The following CYP2C19 variants were observed in gnomAD, a reference collection of about 807,000 sequenced individuals.
CYP2C19 encodes cytochrome P450 family 2 subfamily C member 19.
CYP2C19 carries 59 observed loss-of-function variants against 40.9 expected under a neutral mutation model. The ratio of observed to expected loss-of-function variants is 1.44; its 90% CI spans 1.17 to 1.79. CYP2C19 has a LOEUF of 1.79. Ranked by LOEUF, CYP2C19 falls within the 40% of genes most tolerant of loss-of-function variation. The pLI, the probability that CYP2C19 is intolerant of heterozygous loss-of-function variation, is 0.00. For missense variants in CYP2C19, 754 were observed against 596.9 expected, an observed-to-expected ratio of 1.26 and a Z score of -2.74; for synonymous variants, 253 against 208.7, an observed-to-expected ratio of 1.21 and a Z score of -1.83.
intron 6 of CYP2C19, among the ~76,000 whole-genome samples, chr10:94,828,801 C>T (rs1333107231): frequency 6.6e-6 from 1 of 152,074 alleles, no homozygotes; most frequent in African/African-American, 2.4e-5. Context: ...GCGGCTGGTA[C>T]CGGTTGTTCC....
At chr10:94,771,639 T>C (rs1211735429) in intron 1 of CYP2C19, among the ~76,000 whole-genome samples, 1 of 152,106 alleles carries the variant, frequency 6.6e-6, no homozygotes, top group African/African-American at 2.4e-5. Flanking sequence ...GTGAGCCTGT[T>C]GATGCCTGAT....
intron 5 of CYP2C19, among the ~76,000 whole-genome samples, chr10:94,784,646 C>T (rs1409028597): frequency 6.6e-6 from 1 of 152,004 alleles, no homozygotes; most frequent in African/African-American, 2.4e-5. Flanking sequence ...GACAGAGTCT[C>T]ACTCTGTTGC....
At chr10:94,835,989 A>C (rs1398461499) in intron 6 of CYP2C19, among the ~76,000 whole-genome samples, 5 of 152,160 alleles carry the variant, frequency 3.3e-5, no homozygotes, top group Admixed American at 2.0e-4. Flanking sequence ...GAACCTCTAA[A>C]AGTTCCCCTC....
chr10:94,774,462 C>T (rs949908121), intron 1 of CYP2C19: 1 of 154,358 alleles, frequency 6.5e-6, no homozygotes, highest in Non-Finnish European at 1.4e-5. Flanking sequence ...CCCATAGCCA[C>T]CTAATTTTAG....
chr10:94,825,939 C>G (rs1459099913), intron 6 of CYP2C19, among the ~76,000 whole-genome samples: 13 of 151,536 alleles, frequency 8.6e-5, no homozygotes, highest in Admixed American at 2.6e-4. Context: ...GCTTGTTTTT[C>G]TCAGGTTTGT....
rs1848384550 is a variant in CYP2C19, at chr10:94,774,859, C to T, written c.169-199C>T. On this transcript the variant is annotated intron_variant, in intron 1 of 8. Coordinates refer to ENST00000371321, the MANE Select transcript of CYP2C19 (RefSeq NM_000769.4). Reference sequence around the variant, plus strand: ...GTAATCTGTGTAGCAATTGTCTGACCATTGCCTTGAACATCATAGGCCATC... The same window carrying T: ...GTAATCTGTGTAGCAATTGTCTGACTATTGCCTTGAACATCATAGGCCATC... 7 of 603,754 alleles carry T rather than the reference C, an allele frequency of 1.2e-5. No homozygotes were observed. The Admixed American group carries it at 1.8e-4, about 16-fold the overall frequency. The allele number at this position is 603,754 out of a possible 1,614,324, so 37.4% of individuals were successfully genotyped here.
At chr10:94,774,118 C>T (rs1407038155) in intron 1 of CYP2C19, 2 of 152,160 alleles carry the variant, frequency 1.3e-5, no homozygotes, top group Non-Finnish European at 2.9e-5. Flanking sequence ...TCTCCAAGTC[C>T]CCACCCGACA....
chr10:94,839,553 G>C (rs111912226), intron 6 of CYP2C19, among the ~76,000 whole-genome samples: 1 of 152,288 alleles, frequency 6.6e-6, no homozygotes, highest in Non-Finnish European at 1.5e-5. Flanking sequence ...ACATGCATTC[G>C]CATAAACAAC....
chr10:94,774,862 T>C, intron 1 of CYP2C19, 196 bp from the exon 2 acceptor site: 1 of 611,842 alleles, frequency 1.6e-6, no homozygotes, highest in Non-Finnish European at 2.8e-6. Flanking sequence ...GTCTGACCAT[T>C]GCCTTGAACA....
chr10:94,839,413 A>G (rs564193672), intron 6 of CYP2C19, among the ~76,000 whole-genome samples: 2 of 152,298 alleles, frequency 1.3e-5, no homozygotes, highest in African/African-American at 4.8e-5. Flanking sequence ...GACCACAAAG[A>G]AAGGGGTCCG....
At chr10:94,775,615 G>C in intron 3 of CYP2C19, 76 bp downstream of exon 3, 1 of 1,610,204 alleles carries the variant, frequency 6.2e-7, no homozygotes, top group Non-Finnish European at 8.5e-7. Context: ...AAACATTTCA[G>C]GGGTGGCCAG....
intron 5 of CYP2C19, among the ~76,000 whole-genome samples, chr10:94,787,945 G>A (rs1010104775): frequency 6.6e-6 from 1 of 152,082 alleles, no homozygotes; most frequent in African/African-American, 2.4e-5. Context: ...TGAATCTGTA[G>A]ATAGCTTTGG....
intron 1 of CYP2C19, among the ~76,000 whole-genome samples, chr10:94,769,022 T>G (rs1848290004): frequency 6.6e-6 from 1 of 151,936 alleles, no homozygotes; most frequent in African/African-American, 2.4e-5. Flanking sequence ...TTCCAAGGAA[T>G]GCCCACAATT....
At chr10:94,774,524 T>TACA (rs1848379256) in intron 1 of CYP2C19, 1 of 160,654 alleles carries the variant, frequency 6.2e-6, no homozygotes, top group East Asian at 1.8e-4. Context: ...CTACATGGGC[T>TACA]TTTGGGAGTT....
In CYP2C19 at chr10:94,799,017, T is replaced by G. The variant is rs377538047; in HGVS notation, c.819+17020T>G. Among the ~76,000 whole-genome samples the G allele has an allele frequency of 2.7e-4, 41 of 152,130 alleles. 1 individual carries two copies. In the East Asian group the frequency reaches 7.9e-3, roughly 29 times the overall value. On this transcript the variant is annotated intron_variant, in intron 5 of 8. Coordinates refer to ENST00000371321, the MANE Select transcript of CYP2C19 (RefSeq NM_000769.4). ...GCCCATTTACATTTAAGGTTAATATTGTTATATGAGAATTTGATCCTGTCA... is the reference window on the plus strand; with the variant it reads ...GCCCATTTACATTTAAGGTTAATATGGTTATATGAGAATTTGATCCTGTCA...
At chr10:94,841,942 G>A (rs1187845832) in intron 6 of CYP2C19, among the ~76,000 whole-genome samples, 1 of 152,174 alleles carries the variant, frequency 6.6e-6, no homozygotes, top group Non-Finnish European at 1.5e-5. Flanking sequence ...CAATCCATGT[G>A]CTGTGGAAAA....
Position 94,770,061 on chromosome 10 carries a change from C to T in CYP2C19, c.169-4997C>T, listed in dbSNP as rs1002277639. 6.6e-5 allele frequency among the ~76,000 whole-genome samples: 10 copies of T among 152,092 alleles called. No individual in the cohort carries two copies. In the South Asian group the frequency reaches 1.4e-3, roughly 22 times the overall value. ...TCAGATGGTAACGGACCTTGAGGAC[C>T]GTCATCCAGGACAGGAGATTAACAC... On this transcript the variant is annotated intron_variant, in intron 1 of 8. Coordinates refer to ENST00000371321, the MANE Select transcript of CYP2C19 (RefSeq NM_000769.4).
intron 5 of CYP2C19, among the ~76,000 whole-genome samples, chr10:94,817,763 C>T (rs944647121): frequency 5.1e-4 from 78 of 152,138 alleles, no homozygotes; most frequent in African/African-American, 1.4e-3. Context: ...CCTGTAATCC[C>T]GGCACTTTGG....
At chr10:94,797,664 C>A (rs963682175) in intron 5 of CYP2C19, among the ~76,000 whole-genome samples, 10 of 152,006 alleles carry the variant, frequency 6.6e-5, no homozygotes, top group Admixed American at 6.6e-4. Context: ...GCCTTAATTT[C>A]ATAGCCTGTT....
Sources: gnomAD v4.1 joint callset for allele counts (sites outside exome capture counted in the v4.1 genomes callset) on GRCh38, gnomAD v4.1.1 for gene constraint, MANE v1.5 for transcripts, NCBI Gene and HGNC (gene_info 2026-07-23, HGNC 2026-07-21) for gene names.